Variants in SLC7A13 observed in about 807,000 individuals in gnomAD.
SLC7A13 encodes the protein solute carrier family 7 member 13.
SLC7A13 carries 31 observed loss-of-function variants against 32.0 expected under a neutral mutation model. That is an observed-to-expected ratio of 0.97 (90% CI 0.73 to 1.31). SLC7A13 has a LOEUF of 1.31. Ranked by LOEUF, SLC7A13 falls within the 50% of genes most tolerant of loss-of-function variation. The pLI is 0.00. For synonymous variants in SLC7A13, 232 were observed against 206.9 expected (o/e 1.12, Z -1.04); for missense variants, 633 against 546.9 (o/e 1.16, Z -1.57).
chr8:86,222,887 T>C (rs1267704785), intron 2 of SLC7A13, 85 bp downstream of exon 2: 1 of 1,311,218 alleles, frequency 7.6e-7, no homozygotes, highest in East Asian at 2.6e-5. Flanking sequence ...TAATGAACAG[T>C]AAACAGTGGT....
Position 86,230,081 on chromosome 8 carries a change from C to T in SLC7A13, c.197G>A (p.Cys66Tyr), listed in dbSNP as rs1443654895. ...CAILAMTSTLCSAEISISFPC... is the reference protein window; with the variant it reads ...CAILAMTSTLYSAEISISFPC... ...GAAGCTTATACTTATCTCTGCAGAG[C>T]AAAGAGTTGATGTCATGGCCAGTAT... The change falls in exon 1 of 4, where the codon TGC becomes TAC. Residue 66 changes from cysteine to tyrosine, a missense_variant. By Grantham distance (194) the Cys-to-Tyr change is radical (BLOSUM62 -2). Coordinates refer to ENST00000297524, the MANE Select transcript of SLC7A13 (RefSeq NM_138817.3). 1.2e-6 allele frequency: 2 copies of T among 1,613,996 alleles called. No individual in the cohort carries two copies. The highest frequency in any genetic ancestry group is 1.7e-6 in the Non-Finnish European group (2 of 1,180,034).
At position 86,229,609 on chromosome 8, in the gene SLC7A13, G is replaced by T. The variant is rs1303589748; in HGVS notation, c.669C>A (p.Cys223Ter). 3.7e-6 allele frequency: 6 copies of T among 1,613,394 alleles called. No homozygotes were observed. In the Admixed American group the frequency reaches 6.7e-5, roughly 18 times the overall value. Residue 223 changes from cysteine to a stop codon, truncating the protein, a stop_gained, in exon 1 of 4, where the codon TGC becomes TGA. Coordinates refer to ENST00000297524, the MANE Select transcript of SLC7A13 (RefSeq NM_138817.3). LOFTEE classifies it high-confidence loss of function. ...QGYFAYSGGA[C>*]FTLIAGELKK... Reference sequence around the variant, plus strand: ...GATTGTTACCTGCTATAAGTGTAAAGCATGCCCCGCCTGAATATGCAAAAT... The same window carrying T: ...GATTGTTACCTGCTATAAGTGTAAATCATGCCCCGCCTGAATATGCAAAAT...
Position 86,229,325 on chromosome 8 carries a change from A to G in SLC7A13, c.685+268T>C, listed in dbSNP as rs182293062. 1.1e-3 allele frequency among the ~76,000 whole-genome samples: 162 copies of G among 152,338 alleles called. 1 individual carries two copies. The highest frequency in any genetic ancestry group is 3.7e-3 in the African/African-American group (153 of 41,574). On this transcript the variant is annotated intron_variant, in intron 1 of 3. Transcript: ENST00000297524. ...GCATTCATCCATTAACAGAAAGGAA[A>G]CAGATTAACACAGAAGTCCCATACC...
intron 3 of SLC7A13, 140 bp from the exon 4 acceptor site, chr8:86,214,786 G>T (rs12542402): frequency 0.28 from 181,814 of 655,636 alleles, 29,153 homozygotes; most frequent in East Asian, 0.49. Flanking sequence ...AATAAATCTG[G>T]CTTAGAAGTC....
intron 1 of SLC7A13, among the ~76,000 whole-genome samples, chr8:86,226,635 G>A (rs182023843): frequency 7.2e-5 from 11 of 152,208 alleles, no homozygotes; most frequent in Admixed American, 1.3e-4. Flanking sequence ...ACCCTATGCC[G>A]TTTCATCCTT....
chr8:86,217,302 T>C (rs1289234689), intron 3 of SLC7A13, among the ~76,000 whole-genome samples, 168 bp downstream of exon 3: 1 of 152,276 alleles, frequency 6.6e-6, no homozygotes, highest in African/African-American at 2.4e-5. Flanking sequence ...TTGAATAACC[T>C]AGCCAATAAA....
At position 86,229,849 on chromosome 8, in the gene SLC7A13, C is replaced by G. The variant is rs777049284; in HGVS notation, c.429G>C (p.Trp143Cys). Residue 143 changes from tryptophan to cysteine, a missense_variant, in exon 1 of 4, where the codon TGG (tryptophan) becomes TGC (cysteine). Physicochemically the swap from Trp to Cys is radical, Grantham distance 215. Coordinates refer to ENST00000297524, the MANE Select transcript of SLC7A13 (RefSeq NM_138817.3). ...PKKCLALAML[W>C]IVGILTSRGV... is the part of the protein sequence containing the mutation. ...CACGAGAAGTCAGAATTCCTACAAT[C>G]CACAACATGGCCAATGCCAGACATT... The G allele has an allele frequency of 1.2e-6, 2 of 1,614,074 alleles. No homozygotes were observed. Among genetic ancestry groups the G allele is most frequent in the African/African-American group, 2.7e-5 (2 of 74,942 alleles).
Position 86,229,984 on chromosome 8 carries a change from C to A in SLC7A13, c.294G>T (p.Trp98Cys), listed in dbSNP as rs2129815240. 1.2e-6 allele frequency: 2 copies of A among 1,614,172 alleles called. No homozygotes were observed. Among genetic ancestry groups the A allele is most frequent in the Non-Finnish European group, 1.7e-6 (2 of 1,180,034 alleles). Residue 98 changes from tryptophan to cysteine, a missense_variant, in exon 1 of 4, where the codon TGG (tryptophan) becomes TGT (cysteine). By Grantham distance (215) the Trp-to-Cys change is radical. Coordinates refer to ENST00000297524, the MANE Select transcript of SLC7A13 (RefSeq NM_138817.3). ...FGSTVAFLNL[W>C]TSLFLGSGVV... ...CCCCTGACCCCAGAAACAAGGATGT[C>A]CAGAGATTCAAAAAAGCAACCGTGG...
At chr8:86,215,486 G>A in intron 3 of SLC7A13, 1 of 250,102 alleles carries the variant, frequency 4.0e-6, no homozygotes, top group Non-Finnish European at 8.1e-6. Flanking sequence ...AGGAGATCGA[G>A]ATCAGCCTGG....
intron 3 of SLC7A13, among the ~76,000 whole-genome samples, chr8:86,216,840 T>G (rs1043052255): frequency 5.9e-5 from 9 of 152,182 alleles, no homozygotes; most frequent in Non-Finnish European, 1.2e-4. Context: ...AGCAAAGCTT[T>G]GAACATCCTA....
chr8:86,215,067 G>T (rs1017251963), intron 3 of SLC7A13, among the ~76,000 whole-genome samples: 2 of 151,880 alleles, frequency 1.3e-5, no homozygotes, highest in African/African-American at 4.8e-5. Flanking sequence ...CTGTTACACA[G>T]GTAAATACTG....
chr8:86,223,593 A>G (rs1388252846), intron 1 of SLC7A13, among the ~76,000 whole-genome samples: 1 of 151,746 alleles, frequency 6.6e-6, no homozygotes, highest in East Asian at 1.9e-4. Context: ...CTATTCATTT[A>G]TTTTCTTTTG....
chr8:86,217,233 C>T (rs1433503764), intron 3 of SLC7A13, among the ~76,000 whole-genome samples: 7 of 152,092 alleles, frequency 4.6e-5, no homozygotes, highest in African/African-American at 1.7e-4. Context: ...TGTCCAACCA[C>T]CCAGAGAACT....
At chr8:86,227,082 C>A (rs759284767) in intron 1 of SLC7A13, among the ~76,000 whole-genome samples, 1 of 152,034 alleles carries the variant, frequency 6.6e-6, no homozygotes, top group Non-Finnish European at 1.5e-5. Flanking sequence ...AATGGCAGAC[C>A]CAAATCTAGG....
intron 1 of SLC7A13, among the ~76,000 whole-genome samples, chr8:86,227,239 G>C (rs1434012872): frequency 6.6e-6 from 1 of 152,122 alleles, no homozygotes; most frequent in Non-Finnish European, 1.5e-5. Flanking sequence ...AATTAGTGGT[G>C]GGGGACCTGA....
At chr8:86,218,732 T>A (rs1423435699) in intron 2 of SLC7A13, among the ~76,000 whole-genome samples, 3 of 151,936 alleles carry the variant, frequency 2.0e-5, no homozygotes, top group Non-Finnish European at 2.9e-5. Flanking sequence ...AAAACACAAC[T>A]GTGAAGAAAA....
intron 3 of SLC7A13, chr8:86,215,714 A>G (rs1475566030): frequency 2.2e-6 from 1 of 445,976 alleles, no homozygotes; most frequent in Non-Finnish European, 4.5e-6. Flanking sequence ...GAAAAAACAA[A>G]GAATCTCTTC....
chr8:86,227,204 C>T lies in SLC7A13; in HGVS notation c.685+2389G>A, dbSNP rs143285669. Among the ~76,000 whole-genome samples, 997 of 152,156 alleles carry T rather than the reference C, an allele frequency of 6.6e-3. 11 individuals are homozygous for T. The highest frequency in any genetic ancestry group is 0.023 in the African/African-American group (937 of 41,508). On this transcript the variant is annotated intron_variant, in intron 1 of 3. Coordinates refer to ENST00000297524, the MANE Select transcript of SLC7A13 (RefSeq NM_138817.3). The stretch of plus-strand genomic sequence containing the variant: ...AGTCTTTGAAAAGATAGTGGCTACT[C>T]AAATGATTTCACAAATGATAGATAA...
In SLC7A13 at chr8:86,214,993, T is replaced by C. The variant is rs140701621; in HGVS notation, c.1180-347A>G. ...CCCAATGGAAGTAACAACAATCTTCTCTGGAAAATATCTCAAGGCAGTAAG... is the reference window on the plus strand; with the variant it reads ...CCCAATGGAAGTAACAACAATCTTCCCTGGAAAATATCTCAAGGCAGTAAG... On this transcript the variant is annotated intron_variant, in intron 3 of 3. Transcript: ENST00000297524. Among the ~76,000 whole-genome samples, 1,435 of 152,256 alleles carry C rather than the reference T, an allele frequency of 9.4e-3. 20 individuals carry two copies. The highest frequency in any genetic ancestry group is 0.038 in the South Asian group (182 of 4,820).
Sources: gnomAD v4.1 joint callset for allele counts (sites outside exome capture counted in the v4.1 genomes callset) on GRCh38, gnomAD v4.1.1 for gene constraint, MANE v1.5 for transcripts, NCBI Gene and HGNC (gene_info 2026-07-23, HGNC 2026-07-21) for gene names.